Variants in CACNG5 observed in about 807,000 individuals in gnomAD.
The protein encoded by CACNG5 is voltage-dependent calcium channel gamma-5 subunit.
A neutral mutation model predicts 24.8 loss-of-function variants in CACNG5; 18 were observed. The ratio of observed to expected loss-of-function variants is 0.73; its 90% CI spans 0.50 to 1.08. CACNG5 has a LOEUF of 1.08. Ranked by LOEUF, CACNG5 falls within the 50% of genes least tolerant of loss-of-function variation. The probability of loss-of-function intolerance (pLI) is 0.00; values close to 1 mark genes in which losing one functional copy is unlikely to be tolerated. For synonymous variants in CACNG5, 157 were observed against 149.1 expected (o/e 1.05, Z -0.39); for missense variants, 349 against 367.9 (o/e 0.95, Z 0.42).
In CACNG5 at chr17:66,894,346, G is replaced by A. The variant is rs1032597675; in HGVS notation, c.*9106G>A. Among the ~76,000 whole-genome samples, 1 of 152,032 alleles carries A rather than the reference G, an allele frequency of 6.6e-6. No homozygotes were observed. The highest frequency in any genetic ancestry group is 1.5e-5 in the Non-Finnish European group (1 of 68,012). ...TGGATTGGGGGAAGAAAAAGTGATG[G>A]GGAAAATGAAGTACTCATAATAATT... is the stretch of plus-strand genomic sequence containing the variant. On this transcript the variant is annotated 3_prime_UTR_variant, in exon 6 of 6. Transcript: ENST00000533854.
intron 1 of CACNG5, among the ~76,000 whole-genome samples, chr17:66,867,438 A>T (rs758308293): frequency 3.9e-5 from 6 of 152,076 alleles, no homozygotes; most frequent in Admixed American, 6.6e-5. Flanking sequence ...CACTTTGATG[A>T]TAGTTTCTTT....
chr17:66,872,471 G>A (rs150936882), intron 1 of CACNG5, among the ~76,000 whole-genome samples: 36 of 152,188 alleles, frequency 2.4e-4, no homozygotes, highest in East Asian at 1.2e-3. Flanking sequence ...GCACAACTAC[G>A]TAGAAAAAAA....
intron 1 of CACNG5, among the ~76,000 whole-genome samples, chr17:66,865,497 A>G: frequency 6.6e-6 from 1 of 152,128 alleles, no homozygotes; most frequent in East Asian, 1.9e-4. Flanking sequence ...CCAAATTCTC[A>G]GTAGAAATAG....
In CACNG5 at chr17:66,838,070, G is replaced by A. The variant is rs139655188; in HGVS notation, c.-104+2820G>A. 8.2e-4 allele frequency among the ~76,000 whole-genome samples: 124 copies of A among 152,080 alleles called. No homozygotes were observed. In the East Asian group the frequency reaches 0.021, roughly 26 times the overall value. ...CTACCCGCTGCTCAGAACACACCACGTGGGGTTTGGTGTGTTCTATGGGTG... is the reference window on the plus strand; with the variant it reads ...CTACCCGCTGCTCAGAACACACCACATGGGGTTTGGTGTGTTCTATGGGTG... On this transcript the variant is annotated intron_variant, in intron 1 of 5. Coordinates refer to ENST00000533854, the MANE Select transcript of CACNG5 (RefSeq NM_145811.3).
chr17:66,848,796 G>C (rs544102672), intron 1 of CACNG5, among the ~76,000 whole-genome samples: 1 of 152,144 alleles, frequency 6.6e-6, no homozygotes, highest in African/African-American at 2.4e-5. Flanking sequence ...AAGCCAGGAC[G>C]TCTGACCTTG....
At chr17:66,876,064 A>G (rs1977073860) in intron 1 of CACNG5, among the ~76,000 whole-genome samples, 1 of 152,160 alleles carries the variant, frequency 6.6e-6, no homozygotes, top group South Asian at 2.1e-4. Flanking sequence ...GATCCTGTTA[A>G]AATGCAGATT....
chr17:66,861,495 A>C (rs1172693378), intron 1 of CACNG5, among the ~76,000 whole-genome samples: 1 of 152,218 alleles, frequency 6.6e-6, no homozygotes, highest in Admixed American at 6.5e-5. Flanking sequence ...AGTGTCTGGC[A>C]CGTGGTCCTG....
chr17:66,877,345 G>T lies in CACNG5; in HGVS notation c.13G>T (p.Gly5Trp). 6.2e-7 allele frequency: 1 copy of T among 1,613,812 alleles called. No individual in the cohort carries two copies. Among genetic ancestry groups the T allele is most frequent in the East Asian group, 2.2e-5 (1 of 44,880 alleles). MSAC[G>W]RKALTLLSSV... ...ACGGTCCAGGAAGATGAGTGCCTGC[G>T]GGAGGAAGGCCCTGACCCTGCTGAG... The change falls in exon 2 of 6, where the codon GGG becomes TGG. Residue 5 changes from glycine to tryptophan, a missense_variant. Transcript: ENST00000533854.
chr17:66,872,279 A>T (rs1977019018), intron 1 of CACNG5, among the ~76,000 whole-genome samples: 1 of 152,226 alleles, frequency 6.6e-6, no homozygotes, highest in South Asian at 2.1e-4. Context: ...ATAGCAACTT[A>T]TAAAAAATGG....
At chr17:66,862,154 A>G (rs4791021) in intron 1 of CACNG5, among the ~76,000 whole-genome samples, 90,039 of 152,024 alleles carry the variant, frequency 0.59, 27,012 homozygotes, top group East Asian at 0.75. Flanking sequence ...CGAGTCATTA[A>G]TTGGAGGAGC....
intron 4 of CACNG5, among the ~76,000 whole-genome samples, chr17:66,882,482 A>T (rs947819596): frequency 1.1e-4 from 17 of 152,178 alleles, no homozygotes; most frequent in African/African-American, 3.6e-4. Flanking sequence ...ATCCATGGAC[A>T]TGGATGAGAT....
Position 66,884,671 on chromosome 17 carries a change from G to C in CACNG5, c.570+10G>C. 1.2e-6 allele frequency: 2 copies of C among 1,614,138 alleles called. No homozygotes were observed. The highest frequency in any genetic ancestry group is 2.2e-5 in the East Asian group (1 of 44,870). ...CTTCCTTTTAACGGAGGTAAAGCCC[G>C]TCACCCTAAGTATGGATAGGCTGGG... is the stretch of plus-strand genomic sequence containing the variant. On this transcript the variant is annotated intron_variant, in intron 5 of 5. Coordinates refer to ENST00000533854, the MANE Select transcript of CACNG5 (RefSeq NM_145811.3).
At position 66,893,799 on chromosome 17, in the gene CACNG5, C is replaced by T. The variant is rs1216611220; in HGVS notation, c.*8559C>T. 7.0e-6 allele frequency among the ~76,000 whole-genome samples: 1 copy of T among 143,838 alleles called. No homozygotes were observed. The highest frequency in any genetic ancestry group is 2.1e-4 in the East Asian group (1 of 4,654). The allele number at this position is 143,838 out of a possible 152,430, so 94.4% of individuals were successfully genotyped here. A position where few individuals can be genotyped will look rare whatever the true frequency, so the allele number is the denominator to read the frequency against. On this transcript the variant is annotated 3_prime_UTR_variant, in exon 6 of 6. Coordinates refer to ENST00000533854, the MANE Select transcript of CACNG5 (RefSeq NM_145811.3). ...GATGTTTCATTTGTTCACAATGTTTCCTGAAGCACTGGAAGCGTAAATTCC... is the reference window on the plus strand; with the variant it reads ...GATGTTTCATTTGTTCACAATGTTTTCTGAAGCACTGGAAGCGTAAATTCC...
At chr17:66,839,014 TGCAGTGGTGCAATCCTG>T (rs1976525486) in intron 1 of CACNG5, among the ~76,000 whole-genome samples, 1 of 136,070 alleles carries the variant, frequency 7.3e-6, no homozygotes, top group South Asian at 2.3e-4. Context: ...CAGGCTGGAG[TGCAGTGGTGCAATCCTG>T]GCTCACTGCA....
rs17712337 is a variant in CACNG5 at position 66,893,462 on chromosome 17, A to G, written c.*8222A>G. ...GGTCAGCCCGTGGTGGAACCTCGCC[A>G]CACTCTTGTTCTGGATAAATTGAAG... On this transcript the variant is annotated 3_prime_UTR_variant, in exon 6 of 6. Transcript: ENST00000533854. Among the ~76,000 whole-genome samples the G allele has an allele frequency of 0.098, 14,865 of 152,262 alleles. 982 individuals carry two copies. Among genetic ancestry groups the G allele is most frequent in the South Asian group, 0.25 (1,204 of 4,820 alleles).
chr17:66,861,734 C>T (rs1169709588), intron 1 of CACNG5, among the ~76,000 whole-genome samples: 1 of 152,230 alleles, frequency 6.6e-6, no homozygotes, highest in Non-Finnish European at 1.5e-5. Context: ...GCTGTTATTG[C>T]ACCCGGTAGC....
intron 1 of CACNG5, among the ~76,000 whole-genome samples, chr17:66,839,675 GT>G (rs1263006083): frequency 7.0e-6 from 1 of 143,128 alleles, no homozygotes; most frequent in Admixed American, 7.0e-5. Context: ...ATGGAGGGGG[GT>G]CAGTGAGTCT....
At chr17:66,853,479 C>G (rs1159603806) in intron 1 of CACNG5, among the ~76,000 whole-genome samples, 1 of 152,230 alleles carries the variant, frequency 6.6e-6, no homozygotes, top group African/African-American at 2.4e-5. Flanking sequence ...ATGAGAGCTG[C>G]AGTTTCTCCA....
Position 66,885,571 on chromosome 17 carries a change from C to T in CACNG5, c.*331C>T, listed in dbSNP as rs572198861. On this transcript the variant is annotated 3_prime_UTR_variant, in exon 6 of 6. Coordinates refer to ENST00000533854, the MANE Select transcript of CACNG5 (RefSeq NM_145811.3). ...ACCGATGTTCCCTTTGTATATTCTTCCTGCACCCCCCAACTTCATGGCCCT... is the reference window on the plus strand; with the variant it reads ...ACCGATGTTCCCTTTGTATATTCTTTCTGCACCCCCCAACTTCATGGCCCT... The T allele has an allele frequency of 7.0e-6, 2 of 285,378 alleles. No individual in the cohort carries two copies. Among genetic ancestry groups the T allele is most frequent in the South Asian group, 1.8e-4 (2 of 11,350 alleles). The allele number at this position is 285,378 out of a possible 1,614,324, so 17.7% of individuals were successfully genotyped here.
Sources: gnomAD v4.1 joint callset for allele counts (sites outside exome capture counted in the v4.1 genomes callset) on GRCh38, gnomAD v4.1.1 for gene constraint, MANE v1.5 for transcripts, NCBI Gene and HGNC (gene_info 2026-07-23, HGNC 2026-07-21) for gene names.